The following MICOS13 variants were observed in gnomAD, a reference collection of about 807,000 sequenced individuals.
The protein encoded by MICOS13 is MICOS complex subunit MIC13.
A neutral mutation model predicts 16.1 loss-of-function variants in MICOS13; 15 were observed. The observed-to-expected ratio is 0.93, with a 90% CI of 0.62 to 1.44. MICOS13 has a LOEUF of 1.44. Among genes scored for constraint, MICOS13 ranks in the 40% most tolerant of loss-of-function variants. MICOS13 has a pLI of 0.00. For missense variants in MICOS13, 164 were observed against 155.0 expected, an observed-to-expected ratio of 1.06 and a Z score of -0.31; for synonymous variants, 61 against 62.6, an observed-to-expected ratio of 0.97 and a Z score of 0.12.
chr19:5,680,162 C>G (rs2054507181), intron 1 of MICOS13: 1 of 1,536,346 alleles, frequency 6.5e-7, no homozygotes, highest in Admixed American at 2.0e-5. Flanking sequence ...ACGCCAGCGG[C>G]AGGATTCACC....
At position 5,679,698 on chromosome 19, in the gene MICOS13, C is replaced by A. The variant is rs757035367; in HGVS notation, c.95G>T (p.Gly32Val). 1.2e-6 allele frequency: 2 copies of A among 1,610,060 alleles called. No individual in the cohort carries two copies. Among genetic ancestry groups the A allele is most frequent in the Non-Finnish European group, 1.7e-6 (2 of 1,179,188 alleles). Reference sequence around the variant, plus strand: ...GGCTGCCTGGCTCTTGTCGCTGGGCCCCAGCAGCTCCTGGTCGTACACCAG... The same window carrying A: ...GGCTGCCTGGCTCTTGTCGCTGGGCACCAGCAGCTCCTGGTCGTACACCAG... Reference protein sequence around the residue: ...VYLVYDQELLGPSDKSQAALQ... With the variant: ...VYLVYDQELLVPSDKSQAALQ... The change falls in exon 2 of 4, where the codon GGG becomes GTG. Residue 32 changes from glycine (G) to valine (V), a missense_variant. By Grantham distance (109) the Gly-to-Val change is moderately radical. Transcript: ENST00000309324.
At position 5,678,647 on chromosome 19, in the gene MICOS13, GC is replaced by G. The variant is rs759580358; in HGVS notation, c.260del (p.Gly87AlafsTer3). On this transcript the variant is annotated frameshift_variant and splice_region_variant, in exon 4 of 4. Coordinates refer to ENST00000309324, the MANE Select transcript of MICOS13 (RefSeq NM_205767.3). LOFTEE classifies it high-confidence loss of function. Reference sequence around the variant, plus strand: ...ACAGAGCTGACATCACCGTCATGATGCCTGTGGGAAAGGGACGGCCACTGGT... The same window carrying G: ...ACAGAGCTGACATCACCGTCATGATGCTGTGGGAAAGGGACGGCCACTGGT... ...YFPIRDSWNA[G>X]IMTVMSALSV... The G allele has an allele frequency of 4.6e-6, 7 of 1,529,544 alleles. No homozygotes were observed. The Admixed American group carries it at 1.0e-4, about 23-fold the overall frequency. The allele number at this position is 1,529,544 out of a possible 1,614,324, so 94.7% of individuals were successfully genotyped here.
At position 5,678,516 on chromosome 19, in the gene MICOS13, C is replaced by T. The variant is rs1217586745; in HGVS notation, c.*35G>A. 9 of 1,531,748 alleles carry T rather than the reference C, an allele frequency of 5.9e-6. No homozygotes were observed. The highest frequency in any genetic ancestry group is 2.0e-5 in the Admixed American group (1 of 50,712). 94.9% of individuals were successfully genotyped at this position (1,531,748 alleles called of 1,614,324 possible). A position where few individuals can be genotyped will look rare whatever the true frequency, so the allele number is the denominator to read the frequency against. The stretch of plus-strand genomic sequence containing the variant: ...TCTTCAGGTCAGTGGCAGCCCTGCC[C>T]GTTCTGGCCGGGGCAGGCGGCCCCT... On this transcript the variant is annotated 3_prime_UTR_variant, in exon 4 of 4. Coordinates refer to ENST00000309324, the MANE Select transcript of MICOS13 (RefSeq NM_205767.3).
At chr19:5,678,760 G>T in intron 3 of MICOS13, 112 bp from the exon 4 acceptor site, 1 of 620,046 alleles carries the variant, frequency 1.6e-6, no homozygotes, top group Non-Finnish European at 2.8e-6. Context: ...GTGGGGGGCG[G>T]GGATGGAGTC....
intron 3 of MICOS13, 97 bp downstream of exon 3, chr19:5,679,248 G>C (rs3826797): frequency 0.019 from 24,330 of 1,300,362 alleles, 317 homozygotes; most frequent in East Asian, 0.027. Flanking sequence ...ACACGTGTCG[G>C]GCAGGAAGGA....
rs552488454 is a variant in MICOS13, at chr19:5,680,510, G to T, written c.-24C>A. On this transcript the variant is annotated 5_prime_UTR_variant, in exon 1 of 4. Coordinates refer to ENST00000309324, the MANE Select transcript of MICOS13 (RefSeq NM_205767.3). ...ATGGTCGCTCGGATCCACGCGCAAG[G>T]ACACTCGGCTCGCCCGCCGCTTCCT... The T allele has an allele frequency of 1.2e-5, 19 of 1,597,654 alleles. No individual in the cohort carries two copies. In the South Asian group the frequency reaches 2.1e-4, roughly 18 times the overall value.
chr19:5,679,362 CG>C lies in MICOS13; in HGVS notation c.241del (p.Arg81ValfsTer9). 6.2e-7 allele frequency: 1 copy of C among 1,613,470 alleles called. No homozygotes were observed. Among genetic ancestry groups the C allele is most frequent in the Non-Finnish European group, 8.5e-7 (1 of 1,179,808 alleles). On this transcript the variant is annotated frameshift_variant, in exon 3 of 4. Transcript: ENST00000309324. LOFTEE classifies it high-confidence loss of function. ...PAPPKIYFPI[R>X]DSWNAGIMTV... ...TGCCTTACCTGCATTCCAGGAGTCA[CG>C]GATGGGAAAGTAAATCTTTGGAGGG...
In MICOS13 at chr19:5,678,523, G is replaced by A; in HGVS notation, c.*28C>T. On this transcript the variant is annotated 3_prime_UTR_variant, in exon 4 of 4. Coordinates refer to ENST00000309324, the MANE Select transcript of MICOS13 (RefSeq NM_205767.3). ...GTCAGTGGCAGCCCTGCCCGTTCTG[G>A]CCGGGGCAGGCGGCCCCTGCTGACT... The A allele has an allele frequency of 1.3e-6, 2 of 1,538,738 alleles. No individual in the cohort carries two copies.
chr19:5,680,215 G>C (rs1229333536), intron 1 of MICOS13: 4 of 1,541,938 alleles, frequency 2.6e-6, no homozygotes, highest in Non-Finnish European at 3.5e-6. Context: ...GCTCGGAGGC[G>C]GAGGCTGACA....
intron 1 of MICOS13, 33 bp from the exon 2 acceptor site, chr19:5,679,796 G>T: frequency 1.3e-6 from 2 of 1,554,770 alleles, no homozygotes; most frequent in Non-Finnish European, 8.7e-7. Context: ...CAGAAGCTCA[G>T]CGGACACTGA....
rs1351546914 is a variant in MICOS13 at position 5,678,475 on chromosome 19, G to C, written c.*76C>G. On this transcript the variant is annotated 3_prime_UTR_variant, in exon 4 of 4. Coordinates refer to ENST00000309324, the MANE Select transcript of MICOS13 (RefSeq NM_205767.3). ...AAGGCCGGGAGCTGCCCTCGGAGTGGGGTCCCAGTCCGGAGTCTTCAGGTC... is the reference window on the plus strand; with the variant it reads ...AAGGCCGGGAGCTGCCCTCGGAGTGCGGTCCCAGTCCGGAGTCTTCAGGTC... 1 of 1,362,936 alleles carries C rather than the reference G, an allele frequency of 7.3e-7. No individual in the cohort carries two copies. Among genetic ancestry groups the C allele is most frequent in the Non-Finnish European group, 1.0e-6 (1 of 988,076 alleles). 84.4% of individuals were successfully genotyped at this position (1,362,936 alleles called of 1,614,324 possible). A position where few individuals can be genotyped will look rare whatever the true frequency, so the allele number is the denominator to read the frequency against.
intron 1 of MICOS13, chr19:5,680,244 G>C (rs765791617): frequency 1.3e-6 from 2 of 1,561,566 alleles, no homozygotes; most frequent in Non-Finnish European, 1.7e-6. Context: ...TGAACGCCAA[G>C]GGCTCGCTGG....
intron 3 of MICOS13, chr19:5,678,912 G>T (rs2054480261): frequency 2.4e-6 from 1 of 419,016 alleles, no homozygotes; most frequent in Non-Finnish European, 4.3e-6. Flanking sequence ...GCTAATTTTT[G>T]TATTTTATTT....
chr19:5,679,675 C>T lies in MICOS13; in HGVS notation c.118G>A (p.Ala40Thr), dbSNP rs2054496249. 3.1e-6 allele frequency: 5 copies of T among 1,610,234 alleles called. No homozygotes were observed. In the African/African-American group the frequency reaches 5.3e-5, roughly 17 times the overall value. ...ACCACCTCCCCAGCCTTCTGTAGGGCTGCCTGGCTCTTGTCGCTGGGCCCC... is the reference window on the plus strand; with the variant it reads ...ACCACCTCCCCAGCCTTCTGTAGGGTTGCCTGGCTCTTGTCGCTGGGCCCC... ...LLGPSDKSQA[A>T]LQKAGEVVPP... Residue 40 changes from alanine to threonine, a missense_variant, in exon 2 of 4, where the codon GCC becomes ACC. Physicochemically the swap from Ala to Thr is moderately conservative, Grantham distance 58. Coordinates refer to ENST00000309324, the MANE Select transcript of MICOS13 (RefSeq NM_205767.3).
chr19:5,678,811 G>T (rs894004760), intron 3 of MICOS13, 163 bp from the exon 4 acceptor site: 6 of 579,778 alleles, frequency 1.0e-5, no homozygotes, highest in Non-Finnish European at 1.8e-5. Flanking sequence ...GTGCAATCTC[G>T]GCTCACTGCA....
chr19:5,678,501 AG>A lies in MICOS13; in HGVS notation c.*49del, dbSNP rs879149100. On this transcript the variant is annotated 3_prime_UTR_variant, in exon 4 of 4. Coordinates refer to ENST00000309324, the MANE Select transcript of MICOS13 (RefSeq NM_205767.3). ...GGTCCCAGTCCGGAGTCTTCAGGTCAGTGGCAGCCCTGCCCGTTCTGGCCGG... is the reference window on the plus strand; with the variant it reads ...GGTCCCAGTCCGGAGTCTTCAGGTCATGGCAGCCCTGCCCGTTCTGGCCGG... 6.7e-7 allele frequency: 1 copy of A among 1,498,996 alleles called. No individual in the cohort carries two copies. The allele number at this position is 1,498,996 out of a possible 1,614,324, so 92.9% of individuals were successfully genotyped here. A position where few individuals can be genotyped will look rare whatever the true frequency, so the allele number is the denominator to read the frequency against.
In MICOS13 at chr19:5,680,512, C is replaced by T. The variant is rs896187629; in HGVS notation, c.-26G>A. On this transcript the variant is annotated 5_prime_UTR_variant, in exon 1 of 4. Coordinates refer to ENST00000309324, the MANE Select transcript of MICOS13 (RefSeq NM_205767.3). ...GGTCGCTCGGATCCACGCGCAAGGA[C>T]ACTCGGCTCGCCCGCCGCTTCCTGT... The T allele has an allele frequency of 6.3e-7, 1 of 1,594,998 alleles. No individual in the cohort carries two copies. Among genetic ancestry groups the T allele is most frequent in the Middle Eastern group, 1.7e-4 (1 of 5,862 alleles).
At position 5,678,447 on chromosome 19, in the gene MICOS13, G is replaced by T; in HGVS notation, c.*104C>A. ...CACTTCTGAAGTCCTTTATTGGGCC[G>T]GCAAGGCCGGGAGCTGCCCTCGGAG... On this transcript the variant is annotated 3_prime_UTR_variant, in exon 4 of 4. Transcript: ENST00000309324. The T allele has an allele frequency of 4.4e-6, 5 of 1,140,564 alleles. No individual in the cohort carries two copies. The highest frequency in any genetic ancestry group is 6.3e-6 in the Non-Finnish European group (5 of 796,900). The allele number at this position is 1,140,564 out of a possible 1,614,324, so 70.7% of individuals were successfully genotyped here. A position where few individuals can be genotyped will look rare whatever the true frequency, so the allele number is the denominator to read the frequency against.
rs751637126 is a variant in MICOS13, at chr19:5,680,504, C to T, written c.-18G>A. 1.2e-6 allele frequency: 2 copies of T among 1,600,332 alleles called. No homozygotes were observed. The highest frequency in any genetic ancestry group is 1.7e-6 in the Non-Finnish European group (2 of 1,176,438). ...GCCACCATGGTCGCTCGGATCCACG[C>T]GCAAGGACACTCGGCTCGCCCGCCG... On this transcript the variant is annotated 5_prime_UTR_variant, in exon 1 of 4. Transcript: ENST00000309324.
Sources: gnomAD v4.1 joint callset for allele counts on GRCh38, gnomAD v4.1.1 for gene constraint, MANE v1.5 for transcripts, NCBI Gene and HGNC (gene_info 2026-07-23, HGNC 2026-07-21) for gene names.